The following STRBP variants were observed in gnomAD, a reference collection of about 807,000 sequenced individuals.
STRBP encodes the protein spermatid perinuclear RNA-binding protein.
Under a neutral mutation model 80.1 loss-of-function variants are expected in STRBP, and 13 were observed. The ratio of observed to expected loss-of-function variants is 0.16; its 90% CI spans 0.11 to 0.26. The LOEUF (loss-of-function observed/expected upper bound fraction) is 0.26. STRBP is among the 10% of genes least tolerant of loss of function. The pLI is 1.00. For missense variants in STRBP, 485 were observed against 815.2 expected, an observed-to-expected ratio of 0.59 and a Z score of 4.93; for synonymous variants, 284 against 291.2, an observed-to-expected ratio of 0.98 and a Z score of 0.25.
At chr9:123,181,470 T>C (rs1340138045) in intron 3 of STRBP, among the ~76,000 whole-genome samples, 2 of 152,148 alleles carry the variant, frequency 1.3e-5, no homozygotes, top group Non-Finnish European at 2.9e-5. Context: ...ACATCTAACA[T>C]TCTACTGGAT....
chr9:123,123,455 A>T lies in STRBP; in HGVS notation c.*2142T>A, dbSNP rs1588440476. The T allele has an allele frequency of 2.0e-6, 2 of 985,368 alleles. No individual in the cohort carries two copies. The highest frequency in any genetic ancestry group is 2.4e-6 in the Non-Finnish European group (2 of 829,926). The allele number at this position is 985,368 out of a possible 1,614,324, so 61.0% of individuals were successfully genotyped here. On this transcript the variant is annotated 3_prime_UTR_variant, in exon 19 of 19. Coordinates refer to ENST00000348403, the MANE Select transcript of STRBP (RefSeq NM_018387.5). ...ACTGACAGCTCGATTATTTTAAGTA[A>T]AGCAGAGAAATGTAAAAGTTTGCAG... is the stretch of plus-strand genomic sequence containing the variant.
chr9:123,115,871 AT>A lies in STRBP; in HGVS notation c.*84+57del, dbSNP rs1329094073. 8.2e-6 allele frequency: 3 copies of A among 367,066 alleles called. No individual in the cohort carries two copies. The highest frequency in any genetic ancestry group is 6.4e-5 in the African/African-American group (3 of 47,008). The allele number at this position is 367,066 out of a possible 1,614,324, so 22.7% of individuals were successfully genotyped here. ...CAAATTGCCCCACTGGCTTCCCATA[AT>A]TGTCTTTCACCCTTTGGAACCACAT... is the stretch of plus-strand genomic sequence containing the variant. On this transcript the variant is annotated intron_variant and NMD_transcript_variant, in intron 3 of 3. Transcript: ENST00000471564. The surrounding 1 kb of genome is among the most constrained non-coding windows in gnomAD (Gnocchi z 5.0).
At chr9:123,141,997 G>A (rs184241320) in intron 13 of STRBP, among the ~76,000 whole-genome samples, 254 of 152,280 alleles carry the variant, frequency 1.7e-3, no homozygotes, top group Non-Finnish European at 3.0e-3. Flanking sequence ...TTGTCCTTAA[G>A]AGCCATGTTG....
chr9:123,160,436 A>G lies in STRBP; in HGVS notation c.654T>C (p.Cys218=), dbSNP rs2037475744. ...CACGCAGAATGCGGAGGACAATTAC[A>G]CATGATTTTAATCCATTTGCCCTTG... is the stretch of plus-strand genomic sequence containing the variant. ...FQARANGLKS[C]VIVLRILRDL... The change falls in exon 8 of 19, where the codon TGT becomes TGC. Residue 218 remains cysteine (C), a synonymous_variant. Transcript: ENST00000348403. 4.4e-6 allele frequency: 7 copies of G among 1,603,936 alleles called. No individual in the cohort carries two copies. The East Asian group carries it at 1.3e-4, about 31-fold the overall frequency.
At chr9:123,197,263 A>G (rs755575227) in intron 2 of STRBP, among the ~76,000 whole-genome samples, 4 of 152,228 alleles carry the variant, frequency 2.6e-5, no homozygotes, top group Non-Finnish European at 5.9e-5. Context: ...AGAAGTGGAG[A>G]TGGTATATGG....
chr9:123,224,221 T>C (rs2040163332), intron 2 of STRBP, among the ~76,000 whole-genome samples: 1 of 152,234 alleles, frequency 6.6e-6, no homozygotes. Flanking sequence ...CACCCACTCA[T>C]GCCTTGTCTA....
intron 11 of STRBP, among the ~76,000 whole-genome samples, chr9:123,149,427 T>C (rs1248726692): frequency 6.6e-6 from 1 of 152,252 alleles, no homozygotes; most frequent in Admixed American, 6.5e-5. Flanking sequence ...CTCATTAAGT[T>C]ACATTAAAAG....
rs1221415107 is a variant in STRBP, at chr9:123,146,852, T to C, written c.1338+3A>G. 2 of 1,608,002 alleles carry C rather than the reference T, an allele frequency of 1.2e-6. No homozygotes were observed. The highest frequency in any genetic ancestry group is 1.7e-5 in the Admixed American group (1 of 59,962). On this transcript the variant is annotated splice_donor_region_variant and intron_variant, in intron 13 of 18. Transcript: ENST00000348403. ...GCATTGCAAAGTAAAACAAATACTG[T>C]ACCTTCACCGCTACGTGAAGTTTTG...
intron 1 of STRBP, among the ~76,000 whole-genome samples, chr9:123,239,726 A>T (rs7847167): frequency 0.017 from 2,529 of 152,312 alleles, 79 homozygotes; most frequent in African/African-American, 0.058. Context: ...TATACACATA[A>T]GTTTTAAAGG....
intron 1 of STRBP, among the ~76,000 whole-genome samples, chr9:123,262,460 A>G (rs577723281): frequency 6.6e-6 from 1 of 152,356 alleles, no homozygotes; most frequent in Admixed American, 6.5e-5. Flanking sequence ...AGGTGCAGTA[A>G]GAAACATCTT....
intron 2 of STRBP, among the ~76,000 whole-genome samples, chr9:123,214,265 G>A (rs2039818891): frequency 6.6e-6 from 1 of 151,978 alleles, no homozygotes; most frequent in African/African-American, 2.4e-5. Flanking sequence ...ATTATTCTAA[G>A]TGAAGTAACT....
intron 4 of STRBP, among the ~76,000 whole-genome samples, chr9:123,177,929 C>G (rs1012822946): frequency 2.0e-5 from 3 of 152,154 alleles, no homozygotes; most frequent in Non-Finnish European, 4.4e-5. Flanking sequence ...GATAACATTA[C>G]TAATGAACAT....
chr9:123,117,716 A>G (rs1025913787), downstream of STRBP, among the ~76,000 whole-genome samples: 3 of 152,222 alleles, frequency 2.0e-5, no homozygotes, highest in African/African-American at 7.2e-5. Flanking sequence ...CTTGTACCCA[A>G]TGAGCCAAAG....
At chr9:123,128,924 C>T (rs2036011991) in intron 17 of STRBP, among the ~76,000 whole-genome samples, 1 of 152,136 alleles carries the variant, frequency 6.6e-6, no homozygotes, top group African/African-American at 2.4e-5. Context: ...GAAAAAGGCT[C>T]ACATTATTAA....
intron 5 of STRBP, among the ~76,000 whole-genome samples, chr9:123,173,312 C>A (rs1312637412): frequency 1.3e-5 from 2 of 152,120 alleles, no homozygotes; most frequent in African/African-American, 4.8e-5. Flanking sequence ...GTCTCTTAGT[C>A]GCTAGAAAGT....
chr9:123,136,184 A>G lies in STRBP; in HGVS notation c.1633-3T>C. 1 of 1,614,158 alleles carries G rather than the reference A, an allele frequency of 6.2e-7. No homozygotes were observed. Among genetic ancestry groups the G allele is most frequent in the African/African-American group, 1.3e-5 (1 of 75,054 alleles). On this transcript the variant is annotated splice_polypyrimidine_tract_variant and splice_region_variant and intron_variant, in intron 15 of 18. Coordinates refer to ENST00000348403, the MANE Select transcript of STRBP (RefSeq NM_018387.5). The surrounding 1 kb of genome is among the most constrained non-coding windows in gnomAD (Gnocchi z 4.2). ...AATTTCTGTCCATCTACTTCTACCTACAATCAAGAATAACACCTTGCAATT... is the reference window on the plus strand; with the variant it reads ...AATTTCTGTCCATCTACTTCTACCTGCAATCAAGAATAACACCTTGCAATT...
rs1450705468 is a variant in STRBP, at chr9:123,233,529, T to C, written c.-165+3301A>G. Among the ~76,000 whole-genome samples the C allele has an allele frequency of 2.0e-5, 3 of 152,196 alleles. No homozygotes were observed. The East Asian group carries it at 5.8e-4, about 29-fold the overall frequency. ...GTAAGATGTAATGAAGGTTAAATAGTGGAGTGAATAGATGCATAGATGTAA... is the reference window on the plus strand; with the variant it reads ...GTAAGATGTAATGAAGGTTAAATAGCGGAGTGAATAGATGCATAGATGTAA... On this transcript the variant is annotated intron_variant, in intron 2 of 18. Transcript: ENST00000348403.
At chr9:123,127,833 C>A (rs773778498) in intron 18 of STRBP, among the ~76,000 whole-genome samples, 3 of 152,232 alleles carry the variant, frequency 2.0e-5, no homozygotes. Flanking sequence ...ACAACTCACA[C>A]GGTTCCAAAC....
chr9:123,251,122 CCT>C (rs1491342875), intron 1 of STRBP, among the ~76,000 whole-genome samples: 1 of 152,064 alleles, frequency 6.6e-6, no homozygotes, highest in Non-Finnish European at 1.5e-5. Context: ...AGAGAGAGAA[CCT>C]CTCTGTCTGT....
Sources: allele counts gnomAD v4.1 joint callset (sites outside exome capture counted in the v4.1 genomes callset), GRCh38; gene constraint gnomAD v4.1.1; non-coding constraint Gnocchi (gnomAD v3.1); transcripts MANE v1.5; gene names NCBI Gene and HGNC (gene_info 2026-07-23, HGNC 2026-07-21).